The following TRIM14 variants were observed in gnomAD, a reference collection of about 807,000 sequenced individuals.
The protein encoded by TRIM14 is tripartite motif-containing protein 14.
Under a neutral mutation model 44.5 loss-of-function variants are expected in TRIM14, and 28 were observed. That is an observed-to-expected ratio of 0.63 (90% CI 0.47 to 0.86). TRIM14 has a LOEUF of 0.86. Among genes scored for constraint, TRIM14 ranks in the 40% least tolerant of loss-of-function variants. The pLI is 0.00. For missense variants in TRIM14, 607 were observed against 611.1 expected (o/e 0.99, Z 0.07); for synonymous variants, 299 against 269.2 (o/e 1.11, Z -1.08).
At position 98,086,207 on chromosome 9, in the gene TRIM14, C is replaced by T. The variant is rs938312438; in HGVS notation, c.*1263G>A. 23 of 152,218 alleles carry T rather than the reference C, an allele frequency of 1.5e-4. No individual in the cohort carries two copies. The highest frequency in any genetic ancestry group is 5.6e-4 in the African/African-American group (23 of 41,432). 9.4% of individuals were successfully genotyped at this position (152,218 alleles called of 1,614,324 possible). ...CACCTGCTGATTCCTTCCCAAAATC[C>T]CCTGAGAAATGAGTAAGCAGGTTGA... is the stretch of plus-strand genomic sequence containing the variant. On this transcript the variant is annotated 3_prime_UTR_variant, in exon 6 of 6. Coordinates refer to ENST00000341469, the MANE Select transcript of TRIM14 (RefSeq NM_014788.4).
At chr9:98,059,900 G>GAC in the TRIM14 span, among the ~76,000 whole-genome samples, 5 of 152,328 alleles carry the variant, frequency 3.3e-5, no homozygotes, top group African/African-American at 1.2e-4. Flanking sequence ...GCTAAAAGCA[G>GAC]AGTTGCTATT....
At chr9:98,067,458 C>T (rs1043025298), downstream of TRIM14, among the ~76,000 whole-genome samples, 13 of 152,286 alleles carry the variant, frequency 8.5e-5, no homozygotes, top group Middle Eastern at 6.8e-3. Flanking sequence ...CATGGTGTCT[C>T]ATTGTGGTTG....
intron 6 of TRIM14, among the ~76,000 whole-genome samples, chr9:98,069,854 A>C (rs1392550740): frequency 6.6e-6 from 1 of 152,186 alleles, no homozygotes; most frequent in Non-Finnish European, 1.5e-5. Context: ...GAGTCTGTGC[A>C]TGGGGTAAAA....
the TRIM14 span, among the ~76,000 whole-genome samples, chr9:98,052,298 A>G: frequency 6.6e-6 from 1 of 152,088 alleles, no homozygotes; most frequent in Non-Finnish European, 1.5e-5. Context: ...GACCTCAAGA[A>G]TGGCAAGAAG....
chr9:98,106,295 G>A (rs1017429196), intron 2 of TRIM14, among the ~76,000 whole-genome samples: 1 of 152,218 alleles, frequency 6.6e-6, no homozygotes, highest in African/African-American at 2.4e-5. Context: ...CTCAAAATGT[G>A]AATAATGGTT....
intron 1 of TRIM14, among the ~76,000 whole-genome samples, chr9:98,112,728 G>A (rs1826896294): frequency 6.6e-6 from 1 of 150,872 alleles, no homozygotes; most frequent in African/African-American, 2.4e-5. Flanking sequence ...AATCTGGGAG[G>A]TGGAGGTTGC....
At chr9:98,050,736 G>A in the TRIM14 span, among the ~76,000 whole-genome samples, 6 of 152,076 alleles carry the variant, frequency 3.9e-5, no homozygotes, top group Non-Finnish European at 8.8e-5. Context: ...TGGGTTTCTG[G>A]TCTCAGCGTG....
chr9:98,046,432 T>TTTTTTTG, the TRIM14 span, among the ~76,000 whole-genome samples: 1 of 151,592 alleles, frequency 6.6e-6, no homozygotes, highest in Non-Finnish European at 1.5e-5. Flanking sequence ...TGCAGAAGAG[T>TTTTTTTG]TTTTTTGTTT....
chr9:98,042,884 G>T, the TRIM14 span, among the ~76,000 whole-genome samples: 2 of 150,166 alleles, frequency 1.3e-5, no homozygotes, highest in Non-Finnish European at 3.0e-5. Flanking sequence ...AAAAAAAAAA[G>T]AGTTTACTTA....
At chr9:98,064,218 T>G in the TRIM14 span, among the ~76,000 whole-genome samples, 1 of 152,182 alleles carries the variant, frequency 6.6e-6, no homozygotes, top group Non-Finnish European at 1.5e-5. Context: ...CGCATGACAT[T>G]CTTCAAATGC....
In TRIM14 at chr9:98,094,849, G is replaced by T; in HGVS notation, c.700+18C>A. 2 of 1,610,940 alleles carry T rather than the reference G, an allele frequency of 1.2e-6. No individual in the cohort carries two copies. Among genetic ancestry groups the T allele is most frequent in the Middle Eastern group, 3.3e-4 (2 of 6,042 alleles). The stretch of plus-strand genomic sequence containing the variant: ...CTAGGGGAGTTAAGGACACAAAGTT[G>T]GTCACTCGGCGACTTACTTTCCTTA... On this transcript the variant is annotated intron_variant, in intron 4 of 5. Transcript: ENST00000341469.
the TRIM14 span, among the ~76,000 whole-genome samples, chr9:98,038,670 C>T: frequency 3.3e-5 from 5 of 152,118 alleles, no homozygotes; most frequent in Non-Finnish European, 7.3e-5. Context: ...CAGTCAAAAG[C>T]GACTGAGTTA....
downstream of TRIM14, chr9:98,080,960 CA>C: frequency 6.2e-7 from 1 of 1,614,138 alleles, no homozygotes; most frequent in South Asian, 1.1e-5. Flanking sequence ...GGGGAGTGAC[CA>C]CTCGGCCTCG....
chr9:98,040,396 TC>T, the TRIM14 span, among the ~76,000 whole-genome samples: 5 of 152,142 alleles, frequency 3.3e-5, no homozygotes, highest in African/African-American at 1.2e-4. Context: ...CCTGGACTGC[TC>T]GGGGCCTTTG....
At chr9:98,073,271 C>CTTTTTTTTTTTTTTTTTTTT (rs10606237) in intron 6 of TRIM14, among the ~76,000 whole-genome samples, 1 of 57,826 alleles carries the variant, frequency 1.7e-5, no homozygotes, top group Non-Finnish European at 3.0e-5. Context: ...TCACCATGGG[C>CTTTTTTTTTTTTTTTTTTTT]TTTTTTTTTT....
intron 6 of TRIM14, among the ~76,000 whole-genome samples, chr9:98,073,849 C>G (rs138455926): frequency 6.6e-6 from 1 of 151,868 alleles, no homozygotes; most frequent in Non-Finnish European, 1.5e-5. Flanking sequence ...TGCAGTGACA[C>G]GACCTCAGCT....
chr9:98,108,317 C>T (rs1030663956), intron 2 of TRIM14, among the ~76,000 whole-genome samples: 15 of 152,130 alleles, frequency 9.9e-5, no homozygotes, highest in African/African-American at 2.2e-4. Context: ...GCCTGTGGGC[C>T]GCATGTGGCC....
chr9:98,088,390 T>C (rs749727112), intron 5 of TRIM14, among the ~76,000 whole-genome samples: 1 of 152,166 alleles, frequency 6.6e-6, no homozygotes, highest in African/African-American at 2.4e-5. Context: ...AGTCTCGCTC[T>C]GTTGCCCAGG....
At chr9:98,113,916 A>G (rs558215548) in intron 1 of TRIM14, among the ~76,000 whole-genome samples, 1 of 151,930 alleles carries the variant, frequency 6.6e-6, no homozygotes, top group South Asian at 2.1e-4. Context: ...TTCTATTTTG[A>G]TCATGTGTTT....
Sources: allele counts gnomAD v4.1 joint callset (sites outside exome capture counted in the v4.1 genomes callset), GRCh38; gene constraint gnomAD v4.1.1; transcripts MANE v1.5; gene names NCBI Gene and HGNC (gene_info 2026-07-23, HGNC 2026-07-21).